Variants in OSBPL9 observed in about 807,000 individuals in gnomAD.
OSBPL9 encodes the protein oxysterol binding protein like 9.
Under a neutral mutation model 106.6 loss-of-function variants are expected in OSBPL9, and 40 were observed. The observed-to-expected ratio is 0.38, with a 90% CI of 0.29 to 0.49. The LOEUF is 0.49. OSBPL9 is among the 20% of genes least tolerant of loss of function. The pLI is 0.97. For missense variants in OSBPL9, 609 were observed against 887.2 expected, an observed-to-expected ratio of 0.69 and a Z score of 3.98; for synonymous variants, 269 against 295.4, an observed-to-expected ratio of 0.91 and a Z score of 0.92.
chr1:51,610,244 T>TTTGTTGTTGTTG (rs113181959), intron 2 of OSBPL9, among the ~76,000 whole-genome samples: 7 of 150,902 alleles, frequency 4.6e-5, no homozygotes, highest in South Asian at 4.2e-4. Context: ...GGAACTGATA[T>TTTGTTGTTGTTG]TTGTTGTTGT....
chr1:51,688,689 A>G (rs182684160), intron 3 of OSBPL9, among the ~76,000 whole-genome samples: 83 of 152,292 alleles, frequency 5.5e-4, no homozygotes, highest in African/African-American at 1.7e-3. Context: ...GTACTTAATG[A>G]ATTTGATTTA....
chr1:51,626,514 C>T (rs1249043249), intron 1 of OSBPL9, among the ~76,000 whole-genome samples: 1 of 151,544 alleles, frequency 6.6e-6, no homozygotes, highest in Non-Finnish European at 1.5e-5. Context: ...GCTTTTTATT[C>T]TTTTTTTTCC....
intron 3 of OSBPL9, among the ~76,000 whole-genome samples, chr1:51,704,618 T>C (rs1430700476): frequency 2.0e-5 from 3 of 152,206 alleles, no homozygotes; most frequent in Non-Finnish European, 4.4e-5. Flanking sequence ...GATGCCAGCA[T>C]GGTCAGGTTC....
At chr1:51,734,823 C>T (rs918476922) in intron 4 of OSBPL9, among the ~76,000 whole-genome samples, 1 of 152,030 alleles carries the variant, frequency 6.6e-6, no homozygotes, top group African/African-American at 2.4e-5. Context: ...ACCCCTTGGT[C>T]GCCTTTCCCC....
At chr1:51,762,112 G>A (rs189074562) in intron 11 of OSBPL9, 141 bp downstream of exon 11, 23 of 592,654 alleles carry the variant, frequency 3.9e-5, no homozygotes, top group East Asian at 2.8e-4. Context: ...TAACATTATA[G>A]TTCCATACAT....
At chr1:51,736,887 A>G (rs80309375) in intron 4 of OSBPL9, among the ~76,000 whole-genome samples, 2,780 of 152,234 alleles carry the variant, frequency 0.018, 46 homozygotes, top group African/African-American at 0.044. Context: ...CTAACCAACT[A>G]AAGTATCTCA....
the OSBPL9 span, among the ~76,000 whole-genome samples, chr1:51,519,688 T>C: frequency 1.3e-5 from 2 of 152,318 alleles, no homozygotes; most frequent in South Asian, 2.1e-4. Flanking sequence ...AATGGCACTT[T>C]ATATATGCCA....
At chr1:51,657,819 C>T (rs943713511) in intron 2 of OSBPL9, among the ~76,000 whole-genome samples, 5 of 152,066 alleles carry the variant, frequency 3.3e-5, no homozygotes, top group South Asian at 2.1e-4. Flanking sequence ...CAGTGTGGCC[C>T]GGGCTTGGTG....
the OSBPL9 span, among the ~76,000 whole-genome samples, chr1:51,528,180 G>C: frequency 7.1e-3 from 1,075 of 151,676 alleles, 8 homozygotes; most frequent in African/African-American, 0.025. Context: ...TTTCCAGCCA[G>C]AGGAATTAGG....
In OSBPL9 at chr1:51,788,650, T is replaced by TAAC. The variant is rs1678271556; in HGVS notation, c.*862_*864dup. 6.6e-6 allele frequency among the ~76,000 whole-genome samples: 1 copy of TAAC among 151,982 alleles called. No individual in the cohort carries two copies. Among genetic ancestry groups the TAAC allele is most frequent in the African/African-American group, 2.4e-5 (1 of 41,310 alleles). ...CAGGCAATTCCCCAGAATCTTCACT[T>TAAC]AACTCATATTGCACATGTAGGGCTG... On this transcript the variant is annotated 3_prime_UTR_variant, in exon 24 of 24. Transcript: ENST00000428468.
rs1345163993 is a variant in OSBPL9 at position 51,746,734 on chromosome 1, T to A, written c.439T>A (p.Cys147Ser). ...GCTTTTTGATGACAAGCTTCAAAAC[T>A]GCAAAGAAGATGAACAGAGAAAGGT... The part of the protein sequence containing the change: ...LKLFDDKLQN[C>S]KEDEQRKKIE... Residue 147 changes from cysteine to serine, a missense_variant, in exon 6 of 24, where the codon TGC becomes AGC. Physicochemically the swap from Cys to Ser is moderately radical, Grantham distance 112. Coordinates refer to ENST00000428468, the MANE Select transcript of OSBPL9 (RefSeq NM_024586.6). 6.2e-7 allele frequency: 1 copy of A among 1,609,176 alleles called. No individual in the cohort carries two copies. Among genetic ancestry groups the A allele is most frequent in the East Asian group, 2.2e-5 (1 of 44,728 alleles).
At chr1:51,547,852 A>AAT in the OSBPL9 span, among the ~76,000 whole-genome samples, 114 of 151,520 alleles carry the variant, frequency 7.5e-4, 1 homozygote, top group African/African-American at 2.0e-3. Context: ...TCCTATCTCA[A>AAT]ATATATATAT....
In OSBPL9 at chr1:51,722,164, T is replaced by TAGATAGAC. The variant is rs1662264451; in HGVS notation, c.318+8092_318+8093insCAGATAGA. 2.9e-5 allele frequency among the ~76,000 whole-genome samples: 4 copies of TAGATAGAC among 140,180 alleles called. No individual in the cohort carries two copies. In the South Asian group the frequency reaches 8.9e-4, roughly 31 times the overall value. The allele number at this position is 140,180 out of a possible 152,430, so 92.0% of individuals were successfully genotyped here. A position where few individuals can be genotyped will look rare whatever the true frequency, so the allele number is the denominator to read the frequency against. ...AATGAGACTCCATCTCTAAAATAAA[T>TAGATAGAC]AGATAGATAGATAGATAGATAGATA... On this transcript the variant is annotated intron_variant, in intron 4 of 23. Transcript: ENST00000428468.
At chr1:51,664,712 A>G (rs1330294590) in intron 2 of OSBPL9, among the ~76,000 whole-genome samples, 2 of 152,090 alleles carry the variant, frequency 1.3e-5, no homozygotes, top group Non-Finnish European at 2.9e-5. Context: ...AAATAAATAA[A>G]TAAGTTCAAA....
chr1:51,607,671 A>G (rs1454108523), intron 2 of OSBPL9, among the ~76,000 whole-genome samples: 1 of 152,152 alleles, frequency 6.6e-6, no homozygotes, highest in Non-Finnish European at 1.5e-5. Context: ...CTTTCCTGCC[A>G]TAATCAGCCT....
In OSBPL9 at chr1:51,729,808, GGGGGGTGAA is replaced by G. The variant is rs562609432; in HGVS notation, c.319-15711_319-15703del. 4,526 of 1,237,640 alleles carry G rather than the reference GGGGGGTGAA, an allele frequency of 3.7e-3. 101 individuals are homozygous for G. The African/African-American group carries it at 0.054, about 15-fold the overall frequency. The allele number at this position is 1,237,640 out of a possible 1,614,324, so 76.7% of individuals were successfully genotyped here. A position where few individuals can be genotyped will look rare whatever the true frequency, so the allele number is the denominator to read the frequency against. ...GCCGGGGAGGGGACGGGAAAGGGGT[GGGGGGTGAA>G]GGGGGTGAAGGGGGTGTCCCGGGGG... is the stretch of plus-strand genomic sequence containing the variant. On this transcript the variant is annotated intron_variant, in intron 4 of 23. Coordinates refer to ENST00000428468, the MANE Select transcript of OSBPL9 (RefSeq NM_024586.6). The surrounding 1 kb of genome is among the most constrained non-coding windows in gnomAD (Gnocchi z 5.1).
chr1:51,549,047 G>C, the OSBPL9 span, among the ~76,000 whole-genome samples: 1 of 152,176 alleles, frequency 6.6e-6, no homozygotes, highest in Non-Finnish European at 1.5e-5. Flanking sequence ...CTCTCAGGCT[G>C]TAGAAATTGG....
chr1:51,623,191 G>A (rs992826553), intron 1 of OSBPL9, among the ~76,000 whole-genome samples: 6 of 152,154 alleles, frequency 3.9e-5, no homozygotes, highest in Non-Finnish European at 7.3e-5. Context: ...GGCTTGAAGA[G>A]TAAAGAGGAG....
chr1:51,700,686 T>C (rs908676403), intron 3 of OSBPL9, among the ~76,000 whole-genome samples: 3 of 152,252 alleles, frequency 2.0e-5, no homozygotes, highest in Non-Finnish European at 4.4e-5. Context: ...TCTTATTAAC[T>C]GGTGATGTTA....
Sources: allele counts gnomAD v4.1 joint callset (sites outside exome capture counted in the v4.1 genomes callset), GRCh38; gene constraint gnomAD v4.1.1; non-coding constraint Gnocchi (gnomAD v3.1); transcripts MANE v1.5; gene names NCBI Gene and HGNC (gene_info 2026-07-23, HGNC 2026-07-21).